DNAH6: variants seen among roughly 807,000 people sequenced by gnomAD.
DNAH6 encodes the protein dynein axonemal heavy chain 6.
A neutral mutation model predicts 491.4 loss-of-function variants in DNAH6; 340 were observed. The observed-to-expected ratio is 0.69, with a 90% confidence interval of 0.63 to 0.76. DNAH6 has a LOEUF of 0.76. Ranked by LOEUF, DNAH6 falls within the 30% of genes least tolerant of loss-of-function variation. The probability of loss-of-function intolerance (pLI) is 0.00; values close to 1 mark genes in which losing one functional copy is unlikely to be tolerated. For synonymous variants in DNAH6, 1,603 were observed against 1,686.1 expected, an observed-to-expected ratio of 0.95 and a Z score of 1.21; for missense variants, 4,443 against 4,972.2, an observed-to-expected ratio of 0.89 and a Z score of 3.20.
At chr2:84,719,669 C>A (rs1433824242) in intron 59 of DNAH6, among the ~76,000 whole-genome samples, 1 of 151,954 alleles carries the variant, frequency 6.6e-6, no homozygotes, top group Non-Finnish European at 1.5e-5. Flanking sequence ...CGCCACTACG[C>A]CCAACTAATT....
Position 84,666,792 on chromosome 2 carries a change from A to G in DNAH6, c.6085-2497A>G, listed in dbSNP as rs564753550. On this transcript the variant is annotated intron_variant, in intron 37 of 76. Coordinates refer to ENST00000389394, the MANE Select transcript of DNAH6 (RefSeq NM_001370.2). ...CCAAAAAAGAGCCCACATTGCCAAGACAATCCTAAGCCAAAGGAACAAAGC... is the reference window on the plus strand; with the variant it reads ...CCAAAAAAGAGCCCACATTGCCAAGGCAATCCTAAGCCAAAGGAACAAAGC... Among the ~76,000 whole-genome samples, 11 of 152,306 alleles carry G rather than the reference A, an allele frequency of 7.2e-5. No individual in the cohort carries two copies. The East Asian group carries it at 2.1e-3, about 29-fold the overall frequency.
rs1164890145 is a variant in DNAH6, at chr2:84,604,387, T to C, written c.2917T>C (p.Trp973Arg). ...LRNPTLKARH[W>R]AAIEQTVDAT... Reference sequence around the variant, plus strand: ...GAACCCGACTTTGAAGGCAAGACATTGGGCAGCTATTGAACAAACAGTTGA... The same window carrying C: ...GAACCCGACTTTGAAGGCAAGACATCGGGCAGCTATTGAACAAACAGTTGA... The change falls in exon 19 of 77, where the codon TGG becomes CGG. Residue 973 changes from tryptophan (W) to arginine (R), a missense_variant. Trp to Arg is a moderately radical substitution (Grantham distance 101). Coordinates refer to ENST00000389394, the MANE Select transcript of DNAH6 (RefSeq NM_001370.2). 1.3e-6 allele frequency: 2 copies of C among 1,552,128 alleles called. No homozygotes were observed. The highest frequency in any genetic ancestry group is 2.4e-5 in the East Asian group (1 of 40,932).
intron 76 of DNAH6, among the ~76,000 whole-genome samples, chr2:84,818,144 T>C (rs1342127612): frequency 6.6e-6 from 1 of 152,120 alleles, no homozygotes; most frequent in African/African-American, 2.4e-5. Flanking sequence ...GAAACTCTTT[T>C]TCAGCTATTT....
intron 44 of DNAH6, among the ~76,000 whole-genome samples, chr2:84,687,329 A>G (rs1419679191): frequency 1.3e-5 from 2 of 152,186 alleles, no homozygotes; most frequent in South Asian, 2.1e-4. Flanking sequence ...GGCAGAGACC[A>G]TGTCTGTTTT....
At chr2:84,814,220 A>C in intron 75 of DNAH6, 98 bp downstream of exon 75, 3 of 1,288,724 alleles carry the variant, frequency 2.3e-6, no homozygotes, top group Non-Finnish European at 2.1e-6. Flanking sequence ...ACCACCTCCC[A>C]TTGGCAGGAG....
At position 84,781,664 on chromosome 2, in the gene DNAH6, C is replaced by T; in HGVS notation, c.10864+11C>T. The T allele has an allele frequency of 2.0e-6, 3 of 1,536,092 alleles. No individual in the cohort carries two copies. The highest frequency in any genetic ancestry group is 2.6e-6 in the Non-Finnish European group (3 of 1,137,916). On this transcript the variant is annotated intron_variant, in intron 65 of 76. Coordinates refer to ENST00000389394, the MANE Select transcript of DNAH6 (RefSeq NM_001370.2). ...CCTTCACAGATCCAGGTATGTTGAG[C>T]ATATAGCCCTTGCATAATAATCACA...
chr2:84,683,356 T>C (rs1436639722), intron 42 of DNAH6, among the ~76,000 whole-genome samples: 1 of 151,640 alleles, frequency 6.6e-6, no homozygotes, highest in Non-Finnish European at 1.5e-5. Context: ...AGTTGCTCCA[T>C]AATCTGCTTC....
intron 35 of DNAH6, among the ~76,000 whole-genome samples, chr2:84,656,015 C>T (rs1690932247): frequency 6.6e-6 from 1 of 152,098 alleles, no homozygotes; most frequent in Admixed American, 6.6e-5. Context: ...CTCTGTAGTT[C>T]TACCTTTTCT....
chr2:84,715,089 T>C (rs1178833399), intron 57 of DNAH6, among the ~76,000 whole-genome samples: 2 of 152,116 alleles, frequency 1.3e-5, no homozygotes, highest in Admixed American at 6.5e-5. Context: ...AGACACACTG[T>C]ATCATAAGTA....
intron 62 of DNAH6, among the ~76,000 whole-genome samples, chr2:84,742,643 C>CT (rs35216984): frequency 0.26 from 38,778 of 151,968 alleles, 5,647 homozygotes; most frequent in African/African-American, 0.42. Flanking sequence ...GCATATTTTT[C>CT]TGCCAGCTTT....
At chr2:84,771,273 A>T (rs1332246958) in intron 64 of DNAH6, among the ~76,000 whole-genome samples, 1 of 151,984 alleles carries the variant, frequency 6.6e-6, no homozygotes, top group African/African-American at 2.4e-5. Flanking sequence ...GGGCAACAAG[A>T]ACGAAACTCA....
rs114514726 is a variant in DNAH6 at position 84,697,770 on chromosome 2, G to A, written c.7677+43G>A. ...AGTTATGTGGCTTTATCACAAAAACGTTTCTTCACCTTTTATTTAACCATT... is the reference window on the plus strand; with the variant it reads ...AGTTATGTGGCTTTATCACAAAAACATTTCTTCACCTTTTATTTAACCATT... On this transcript the variant is annotated intron_variant, in intron 47 of 76. Coordinates refer to ENST00000389394, the MANE Select transcript of DNAH6 (RefSeq NM_001370.2). The A allele has an allele frequency of 0.052, 79,783 of 1,548,740 alleles. 2,507 individuals are homozygous for A. The highest frequency in any genetic ancestry group is 0.063 in the Non-Finnish European group (72,125 of 1,144,572).
chr2:84,768,130 G>A (rs1194175040), intron 64 of DNAH6, among the ~76,000 whole-genome samples: 1 of 152,008 alleles, frequency 6.6e-6, no homozygotes, highest in Admixed American at 6.6e-5. Context: ...CTTGTGAGAT[G>A]CTCCTAAATT....
At chr2:84,678,072 C>T (rs1693429321) in intron 41 of DNAH6, among the ~76,000 whole-genome samples, 2 of 152,136 alleles carry the variant, frequency 1.3e-5, no homozygotes, top group South Asian at 4.1e-4. Flanking sequence ...GGGACAGACC[C>T]CGCATGTATA....
At chr2:84,630,388 A>C (rs1457735756) in intron 29 of DNAH6, among the ~76,000 whole-genome samples, 1 of 152,022 alleles carries the variant, frequency 6.6e-6, no homozygotes, top group African/African-American at 2.4e-5. Context: ...TTCCTGTTCA[A>C]AAAAAAATTA....
rs951985749 is a variant in DNAH6 at position 84,677,212 on chromosome 2, G to A, written c.6744+76G>A. The A allele has an allele frequency of 5.2e-6, 8 of 1,532,366 alleles. No homozygotes were observed. The African/African-American group carries it at 9.6e-5, about 18-fold the overall frequency. The allele number at this position is 1,532,366 out of a possible 1,614,324, so 94.9% of individuals were successfully genotyped here. On this transcript the variant is annotated intron_variant, in intron 41 of 76. Coordinates refer to ENST00000389394, the MANE Select transcript of DNAH6 (RefSeq NM_001370.2). ...TTCCAAGGCTCCCACAATCAAAGTG[G>A]TGTCTTGTGTTTCTAAGGAGTCCAT...
intron 37 of DNAH6, among the ~76,000 whole-genome samples, chr2:84,659,844 C>T (rs1032215019): frequency 1.3e-5 from 2 of 152,034 alleles, no homozygotes; most frequent in African/African-American, 4.8e-5. Context: ...TATCCAAGCT[C>T]AATATTGCAC....
intron 37 of DNAH6, among the ~76,000 whole-genome samples, chr2:84,664,879 A>G (rs916508252): frequency 6.6e-6 from 1 of 152,238 alleles, no homozygotes; most frequent in African/African-American, 2.4e-5. Flanking sequence ...GTAAAAGAAC[A>G]GAAATTGTAA....
chr2:84,719,682 T>G (rs749815811), intron 59 of DNAH6, among the ~76,000 whole-genome samples: 3 of 151,804 alleles, frequency 2.0e-5, no homozygotes, highest in Non-Finnish European at 4.4e-5. Flanking sequence ...AACTAATTTT[T>G]CACTTTTTTT....
Sources: gnomAD v4.1 joint callset for allele counts (sites outside exome capture counted in the v4.1 genomes callset) on GRCh38, gnomAD v4.1.1 for gene constraint, MANE v1.5 for transcripts, NCBI Gene and HGNC (gene_info 2026-07-23, HGNC 2026-07-21) for gene names.